Variants in PLAAT5 observed in about 807,000 individuals in gnomAD.
The protein encoded by PLAAT5 is Ca(2+)-independent N-acyltransferase.
A neutral mutation model predicts 27.8 loss-of-function variants in PLAAT5; 27 were observed. That is an observed-to-expected ratio of 0.97 (90% confidence interval 0.72 to 1.34). The LOEUF (loss-of-function observed/expected upper bound fraction) is 1.34. Ranked by LOEUF, PLAAT5 falls within the 40% of genes most tolerant of loss-of-function variation. The pLI, the probability that PLAAT5 is intolerant of heterozygous loss-of-function variation, is 0.00. For synonymous variants in PLAAT5, 125 were observed against 136.1 expected (o/e 0.92, Z 0.57); for missense variants, 368 against 343.8 (o/e 1.07, Z -0.56).
At chr11:63,463,832 G>T (rs2015783709) in intron 5 of PLAAT5, among the ~76,000 whole-genome samples, 2 of 152,194 alleles carry the variant, frequency 1.3e-5, no homozygotes, top group Non-Finnish European at 2.9e-5. Context: ...TTGGCCCAGG[G>T]TCTGCTTCCA....
At chr11:63,469,499 C>A (rs2015963750) in intron 3 of PLAAT5, 1 of 241,006 alleles carries the variant, frequency 4.1e-6, no homozygotes, top group Admixed American at 4.0e-5. Flanking sequence ...CACCCAAGAC[C>A]TTTGGCCAAA....
Position 63,463,280 on chromosome 11 carries a change from A to G in PLAAT5, c.*223T>C, listed in dbSNP as rs2015763861. The G allele has an allele frequency of 3.5e-6, 2 of 572,316 alleles. No individual in the cohort carries two copies. The highest frequency in any genetic ancestry group is 6.3e-6 in the Non-Finnish European group (2 of 318,480). The allele number at this position is 572,316 out of a possible 1,614,324, so 35.5% of individuals were successfully genotyped here. On this transcript the variant is annotated 3_prime_UTR_variant, in exon 6 of 6. Transcript: ENST00000540857. Reference sequence around the variant, plus strand: ...ATGCCTAGCACAGTGCCTGGCGCATAAGAGATACACACTAGATACCAGATC... The same window carrying G: ...ATGCCTAGCACAGTGCCTGGCGCATGAGAGATACACACTAGATACCAGATC...
intron 5 of PLAAT5, among the ~76,000 whole-genome samples, chr11:63,464,525 G>A (rs565794310): frequency 9.2e-5 from 14 of 152,038 alleles, no homozygotes; most frequent in South Asian, 4.2e-4. Context: ...GCATGGTGGC[G>A]TGCACCTGGA....
chr11:63,478,603 G>A (rs1348177223), intron 3 of PLAAT5, among the ~76,000 whole-genome samples: 1 of 152,172 alleles, frequency 6.6e-6, no homozygotes, highest in Admixed American at 6.5e-5. Context: ...GTGAGCCCAC[G>A]CCCGACCACG....
chr11:63,467,409 G>C (rs2015892722), intron 4 of PLAAT5, among the ~76,000 whole-genome samples: 1 of 152,094 alleles, frequency 6.6e-6, no homozygotes, highest in South Asian at 2.1e-4. Context: ...GAGTGGATGG[G>C]GCAGAGAAGA....
intron 3 of PLAAT5, among the ~76,000 whole-genome samples, chr11:63,472,684 G>A (rs1353490151): frequency 6.6e-6 from 1 of 152,094 alleles, no homozygotes; most frequent in African/African-American, 2.4e-5. Flanking sequence ...GTATTTTTAT[G>A]CTATGATGAA....
chr11:63,464,649 C>A (rs891309057), intron 5 of PLAAT5, among the ~76,000 whole-genome samples: 1 of 145,932 alleles, frequency 6.9e-6, no homozygotes, highest in African/African-American at 2.7e-5. Flanking sequence ...GAGCAAGACT[C>A]TGTCTCAAAA....
chr11:63,481,164 G>A (rs997862087), intron 3 of PLAAT5, among the ~76,000 whole-genome samples: 1 of 152,234 alleles, frequency 6.6e-6, no homozygotes, highest in African/African-American at 2.4e-5. Context: ...TCTGGGCTGG[G>A]TGTGGTGGCT....
intron 3 of PLAAT5, among the ~76,000 whole-genome samples, chr11:63,483,797 A>ATATG (rs1282128896): frequency 5.5e-5 from 3 of 54,130 alleles, no homozygotes; most frequent in Non-Finnish European, 8.4e-5. Context: ...ATATATATAT[A>ATATG]TATGTATATA....
chr11:63,472,876 G>C (rs1014277956), intron 3 of PLAAT5, among the ~76,000 whole-genome samples: 30 of 152,056 alleles, frequency 2.0e-4, no homozygotes, highest in African/African-American at 7.3e-4. Flanking sequence ...GGCCAAGGTG[G>C]GTGGATCACT....
At chr11:63,472,410 G>C (rs138067040) in intron 3 of PLAAT5, among the ~76,000 whole-genome samples, 2 of 152,276 alleles carry the variant, frequency 1.3e-5, no homozygotes, top group Non-Finnish European at 2.9e-5. Context: ...CTTAACCAAC[G>C]TTGTTCTTTT....
intron 3 of PLAAT5, among the ~76,000 whole-genome samples, chr11:63,475,637 A>G (rs1225134678): frequency 1.3e-5 from 2 of 151,978 alleles, no homozygotes; most frequent in Non-Finnish European, 2.9e-5. Flanking sequence ...TGGATTTATG[A>G]CTATAATTTT....
chr11:63,474,547 GCTCT>G (rs2016108894), intron 3 of PLAAT5, among the ~76,000 whole-genome samples: 1 of 151,988 alleles, frequency 6.6e-6, no homozygotes, highest in South Asian at 2.1e-4. Flanking sequence ...CAATTTGAGT[GCTCT>G]CTCTTTTTTT....
At chr11:63,472,206 GA>G (rs1193453148) in intron 3 of PLAAT5, among the ~76,000 whole-genome samples, 3 of 148,478 alleles carry the variant, frequency 2.0e-5, no homozygotes, top group Admixed American at 6.7e-5. Flanking sequence ...AAAAGTTGAA[GA>G]AAAAAAAAGG....
chr11:63,480,674 G>C (rs570766883), intron 3 of PLAAT5, among the ~76,000 whole-genome samples: 2 of 152,136 alleles, frequency 1.3e-5, no homozygotes, highest in Non-Finnish European at 2.9e-5. Flanking sequence ...AGTTTTAAAA[G>C]CTCCTTAGGT....
chr11:63,486,129 T>A (rs1201383753), intron 3 of PLAAT5, among the ~76,000 whole-genome samples: 9 of 150,848 alleles, frequency 6.0e-5, no homozygotes, highest in African/African-American at 9.7e-5. Context: ...ATAAAAAAAA[T>A]AATATGTGTT....
intron 3 of PLAAT5, 115 bp downstream of exon 3, chr11:63,488,756 G>T: frequency 1.8e-6 from 1 of 564,246 alleles, no homozygotes; most frequent in Non-Finnish European, 3.2e-6. Flanking sequence ...TTCTTCCAGT[G>T]TGGCCCAGGG....
chr11:63,466,199 C>T lies in PLAAT5; in HGVS notation c.628G>A (p.Val210Ile), dbSNP rs1296468528. Residue 210 changes from valine (V) to isoleucine (I), a missense_variant, in exon 5 of 6, where the codon GTC (valine) becomes ATC (isoleucine). Physicochemically the swap from Val to Ile is conservative, Grantham distance 29. Coordinates refer to ENST00000540857, the MANE Select transcript of PLAAT5 (RefSeq NM_001146729.2). ...AGGCTGTACTGCACGATCTTGTTGA[C>T]CATCTTTTTTGTACGCTGGATGATC... ...DKIIQRTKKM[V>I]NKIVQYSLIE... 6.2e-7 allele frequency: 1 copy of T among 1,614,008 alleles called. No individual in the cohort carries two copies. Among genetic ancestry groups the T allele is most frequent in the Non-Finnish European group, 8.5e-7 (1 of 1,180,022 alleles).
intron 3 of PLAAT5, among the ~76,000 whole-genome samples, chr11:63,476,920 C>T (rs1156382370): frequency 6.6e-6 from 1 of 152,026 alleles, no homozygotes; most frequent in African/African-American, 2.4e-5. Flanking sequence ...GTTGATCCAT[C>T]TTTGAGTTTG....
Sources: allele counts gnomAD v4.1 joint callset (sites outside exome capture counted in the v4.1 genomes callset), GRCh38; gene constraint gnomAD v4.1.1; transcripts MANE v1.5; gene names NCBI Gene and HGNC (gene_info 2026-07-23, HGNC 2026-07-21).